Variants in CHST15 observed in about 807,000 individuals in gnomAD.
The protein encoded by CHST15 is B cell RAG associated protein (GALNAC4S-6ST).
In CHST15, 30 loss-of-function variants were observed where a neutral mutation model predicts 53.6. That is an observed-to-expected ratio of 0.56 (90% confidence interval 0.42 to 0.76). The LOEUF is 0.76. Ranked by LOEUF, CHST15 falls within the 30% of genes least tolerant of loss-of-function variation. CHST15 has a pLI of 0.00. For missense variants in CHST15, 627 were observed against 740.5 expected (o/e 0.85, Z 1.78); for synonymous variants, 296 against 289.8 (o/e 1.02, Z -0.22).
Position 124,010,277 on chromosome 10 carries a change from G to T in CHST15, c.1558C>A (p.Pro520Thr), listed in dbSNP as rs371109329. The T allele has an allele frequency of 1.8e-5, 29 of 1,613,638 alleles. No individual in the cohort carries two copies. Among genetic ancestry groups the T allele is most frequent in the Non-Finnish European group, 2.2e-5 (26 of 1,179,844 alleles). Residue 520 changes from proline to threonine, a missense_variant, in exon 8 of 8, where the codon CCC becomes ACC. By Grantham distance (38) the Pro-to-Thr change is conservative. This residue lies in a region of CHST15 where 279 missense variants were observed against 371.6 expected (regional missense o/e 0.75). Coordinates refer to ENST00000435907, the MANE Select transcript of CHST15 (RefSeq NM_001270764.2). Reference sequence around the variant, plus strand: ...ATGGGCCCCAGGTTCCGGTCCTCGGGACGCCGTGCATTGGATGCGGGGCTC... The same window carrying T: ...ATGGGCCCCAGGTTCCGGTCCTCGGTACGCCGTGCATTGGATGCGGGGCTC... Reference protein sequence around the residue: ...TKSPASNARRPEDRNLGPMWP... With the variant: ...TKSPASNARRTEDRNLGPMWP...
At chr10:124,044,998 C>A in intron 2 of CHST15, 79 bp from the exon 3 acceptor site, 1 of 926,778 alleles carries the variant, frequency 1.1e-6, no homozygotes, top group Non-Finnish European at 1.5e-6. Context: ...TGGGAACCTG[C>A]CCTGAGACTG....
intron 5 of CHST15, among the ~76,000 whole-genome samples, chr10:124,022,314 G>A (rs189933144): frequency 9.3e-4 from 142 of 152,342 alleles, no homozygotes; most frequent in African/African-American, 3.3e-3. Flanking sequence ...GAATGGGCCA[G>A]TTTCCAAAAA....
intron 7 of CHST15, chr10:124,011,357 A>G: frequency 4.1e-6 from 4 of 977,324 alleles, no homozygotes; most frequent in Non-Finnish European, 4.9e-6. Flanking sequence ...CAGAGTCAAC[A>G]TGTGGTCAAA....
intron 1 of CHST15, among the ~76,000 whole-genome samples, chr10:124,092,623 G>T (rs568932563): frequency 5.3e-5 from 8 of 152,282 alleles, no homozygotes; most frequent in South Asian, 4.1e-4. Flanking sequence ...TGGCCTCCCC[G>T]CCCGGAACCG....
chr10:124,020,594 C>T, intron 6 of CHST15: 1 of 986,872 alleles, frequency 1.0e-6, no homozygotes, highest in Admixed American at 6.1e-5. Context: ...CTGAGCAGAG[C>T]AAGGCTTGTA....
chr10:124,088,363 C>G (rs1051932635), intron 1 of CHST15, among the ~76,000 whole-genome samples: 8 of 152,236 alleles, frequency 5.3e-5, no homozygotes, highest in African/African-American at 1.9e-4. Context: ...AGCGCTGGCT[C>G]TCTGCCCCCA....
chr10:124,020,935 G>C, intron 6 of CHST15: 1 of 1,383,920 alleles, frequency 7.2e-7, no homozygotes, highest in Non-Finnish European at 9.3e-7. Flanking sequence ...TTGAGAGTTG[G>C]GTGTCCTCAT....
chr10:124,039,446 G>A (rs1728707256), intron 4 of CHST15, among the ~76,000 whole-genome samples: 1 of 152,258 alleles, frequency 6.6e-6, no homozygotes, highest in South Asian at 2.1e-4. Context: ...CTTCCTTGAA[G>A]CTGTAACTGT....
At chr10:124,048,490 G>A (rs2134025099) in intron 1 of CHST15, among the ~76,000 whole-genome samples, 1 of 152,264 alleles carries the variant, frequency 6.6e-6, no homozygotes, top group South Asian at 2.1e-4. Flanking sequence ...TTATCCCTGA[G>A]GGCAGCTGGA....
chr10:124,068,392 C>A (rs1380190170), intron 1 of CHST15, among the ~76,000 whole-genome samples: 1 of 152,084 alleles, frequency 6.6e-6, no homozygotes, highest in African/African-American at 2.4e-5. Flanking sequence ...AAGCACCAAG[C>A]AAGGACAGGG....
At chr10:124,079,137 CT>C (rs2134202774) in intron 1 of CHST15, among the ~76,000 whole-genome samples, 1 of 152,192 alleles carries the variant, frequency 6.6e-6, no homozygotes, top group South Asian at 2.1e-4. Flanking sequence ...AAAAAAATTT[CT>C]TTTATCTTTC....
At chr10:124,081,378 A>G (rs4076022) in intron 1 of CHST15, among the ~76,000 whole-genome samples, 18 of 72,766 alleles carry the variant, frequency 2.5e-4, no homozygotes, top group East Asian at 1.5e-3. Flanking sequence ...ACATGCACGC[A>G]TGCACACACA....
rs1416260504 is a variant in CHST15 at position 124,044,758 on chromosome 10, G to A, written c.708C>T (p.Phe236=). The change falls in exon 3 of 8, where the codon TTC becomes TTT. Residue 236 remains phenylalanine (F), a synonymous_variant. Coordinates refer to ENST00000435907, the MANE Select transcript of CHST15 (RefSeq NM_001270764.2). ...CGTGCGCGTGCGCCAGGTGGCCCCA[G>A]AAGGCCTTGCGCAGGGCGTCGAAGG... is the stretch of plus-strand genomic sequence containing the variant. ...RSTFDALRKA[F]WGHLAHAHGK... is the part of the protein sequence containing the mutation. 1 of 1,613,088 alleles carries A rather than the reference G, an allele frequency of 6.2e-7. No individual in the cohort carries two copies. The highest frequency in any genetic ancestry group is 1.7e-5 in the Admixed American group (1 of 59,862).
intron 1 of CHST15, among the ~76,000 whole-genome samples, chr10:124,052,346 G>A (rs919811531): frequency 1.3e-5 from 2 of 152,164 alleles, no homozygotes; most frequent in Non-Finnish European, 2.9e-5. Flanking sequence ...CTTCTATCTG[G>A]ACTTCGACAG....
In CHST15 at chr10:124,024,749, A is replaced by G. The variant is rs971323528; in HGVS notation, c.1191-3337T>C. ...TAAATGGCTGGTCAATAAGTGCCAA[A>G]ATCAGACACGCGTGAACCTTCAAGC... is the stretch of plus-strand genomic sequence containing the variant. On this transcript the variant is annotated intron_variant, in intron 5 of 7. Coordinates refer to ENST00000435907, the MANE Select transcript of CHST15 (RefSeq NM_001270764.2). The surrounding 1 kb of genome is among the most constrained non-coding windows in gnomAD (Gnocchi z 4.0). Among the ~76,000 whole-genome samples the G allele has an allele frequency of 1.3e-5, 2 of 152,220 alleles. No homozygotes were observed. The highest frequency in any genetic ancestry group is 6.5e-5 in the Admixed American group (1 of 15,278).
chr10:124,041,198 T>G (rs1466856019), intron 4 of CHST15, among the ~76,000 whole-genome samples: 1 of 152,220 alleles, frequency 6.6e-6, no homozygotes, highest in Admixed American at 6.5e-5. Flanking sequence ...GAGTCTTAAG[T>G]TAAAAAGTCA....
chr10:124,048,721 G>A (rs575213446), intron 1 of CHST15, among the ~76,000 whole-genome samples: 2 of 152,308 alleles, frequency 1.3e-5, no homozygotes, highest in South Asian at 2.1e-4. Context: ...CAGCTCAGCG[G>A]GGAGGGAATT....
At chr10:124,028,825 C>T (rs1947109224) in intron 5 of CHST15, among the ~76,000 whole-genome samples, 1 of 152,212 alleles carries the variant, frequency 6.6e-6, no homozygotes, top group Non-Finnish European at 1.5e-5. Flanking sequence ...AAGTTGCAGG[C>T]GGCTGGGAGC....
Position 124,008,722 on chromosome 10 carries a change from T to C in CHST15, c.*1427A>G. ...GCTGGGTAGACGGGTGCTTGCACTT[T>C]CTGGCTTTGGTGGGCGAGACCTTGG... On this transcript the variant is annotated 3_prime_UTR_variant, in exon 8 of 8. Transcript: ENST00000435907. The C allele has an allele frequency of 8.7e-7, 1 of 1,148,738 alleles. No individual in the cohort carries two copies. 71.2% of individuals were successfully genotyped at this position (1,148,738 alleles called of 1,614,324 possible).
Sources: allele counts gnomAD v4.1 joint callset (sites outside exome capture counted in the v4.1 genomes callset), GRCh38; gene constraint gnomAD v4.1.1; regional missense constraint gnomAD v4.1.1; non-coding constraint Gnocchi (gnomAD v3.1); transcripts MANE v1.5; gene names NCBI Gene and HGNC (gene_info 2026-07-23, HGNC 2026-07-21).